The following F2 variants were observed in gnomAD, a reference collection of about 807,000 sequenced individuals.
F2 encodes the protein prothrombin.
Under a neutral mutation model 81.9 loss-of-function variants are expected in F2, and 34 were observed. The ratio of observed to expected loss-of-function variants is 0.42; its 90% CI spans 0.32 to 0.55. The LOEUF (loss-of-function observed/expected upper bound fraction) is 0.55. F2 is among the 20% of genes least tolerant of loss of function. The pLI is 0.18. For synonymous variants in F2, 296 were observed against 326.4 expected (o/e 0.91, Z 1.01); for missense variants, 630 against 833.4 (o/e 0.76, Z 3.00).
Position 46,739,485 on chromosome 11 carries a change from C to A in F2, c.*77C>A. 1 of 1,588,330 alleles carries A rather than the reference C, an allele frequency of 6.3e-7. No individual in the cohort carries two copies. Among genetic ancestry groups the A allele is most frequent in the South Asian group, 1.1e-5 (1 of 89,986 alleles). On this transcript the variant is annotated 3_prime_UTR_variant, in exon 14 of 14. Coordinates refer to ENST00000311907, the MANE Select transcript of F2 (RefSeq NM_000506.5). Reference sequence around the variant, plus strand: ...TTTGTGTTTCTAAAACTATGGTTCCCAATAAAAGTGACTCTCAGCGAGCCT... The same window carrying A: ...TTTGTGTTTCTAAAACTATGGTTCCAAATAAAAGTGACTCTCAGCGAGCCT...
At chr11:46,736,566 G>A (rs1417266413) in intron 12 of F2, among the ~76,000 whole-genome samples, 3 of 152,174 alleles carry the variant, frequency 2.0e-5, no homozygotes, top group Non-Finnish European at 4.4e-5. Context: ...CCAAAGTGTT[G>A]GGATTACCAG....
chr11:46,737,529 C>T (rs915890143), intron 12 of F2, among the ~76,000 whole-genome samples: 1 of 149,562 alleles, frequency 6.7e-6, no homozygotes, highest in Non-Finnish European at 1.5e-5. Flanking sequence ...AAAGCTCCAC[C>T]TCCCGGGTTC....
intron 12 of F2, among the ~76,000 whole-genome samples, chr11:46,735,910 A>G (rs2064941507): frequency 6.8e-6 from 1 of 146,760 alleles, no homozygotes; most frequent in Non-Finnish European, 1.5e-5. Context: ...CAACAAGAGT[A>G]AAAACTCCGT....
chr11:46,727,517 C>G (rs940925127), intron 9 of F2, among the ~76,000 whole-genome samples: 3 of 152,046 alleles, frequency 2.0e-5, no homozygotes, highest in East Asian at 3.9e-4. Flanking sequence ...GTGGCTCACC[C>G]CTGTAATCCC....
chr11:46,721,242 C>A (rs2064834426), intron 4 of F2, among the ~76,000 whole-genome samples: 1 of 152,134 alleles, frequency 6.6e-6, no homozygotes, highest in South Asian at 2.1e-4. Context: ...CGGGGTTTCA[C>A]CATGTTGGCC....
intron 4 of F2, among the ~76,000 whole-genome samples, chr11:46,721,429 T>G (rs1231727443): frequency 1.3e-5 from 2 of 152,198 alleles, no homozygotes; most frequent in Non-Finnish European, 2.9e-5. Flanking sequence ...CACATTCCCC[T>G]TCTAGCTTTA....
intron 12 of F2, among the ~76,000 whole-genome samples, chr11:46,738,267 G>C (rs748716211): frequency 6.6e-5 from 10 of 152,114 alleles, no homozygotes; most frequent in Non-Finnish European, 1.3e-4. Context: ...CCAAAGTGCT[G>C]AGATTACAGG....
chr11:46,733,276 C>A (rs2064924766), intron 12 of F2, among the ~76,000 whole-genome samples: 1 of 152,278 alleles, frequency 6.6e-6, no homozygotes, highest in Admixed American at 6.5e-5. Flanking sequence ...TGGGCTCAGC[C>A]CACTGCAACC....
chr11:46,737,929 G>A (rs1043371470), intron 12 of F2, among the ~76,000 whole-genome samples: 1 of 151,662 alleles, frequency 6.6e-6, no homozygotes, highest in African/African-American at 2.4e-5. Context: ...GAACTCCTGG[G>A]CTCAAGCAAT....
intron 4 of F2, among the ~76,000 whole-genome samples, chr11:46,721,079 C>T (rs1012470593): frequency 9.9e-5 from 15 of 152,024 alleles, no homozygotes; most frequent in Admixed American, 8.5e-4. Context: ...GAGTCTCGCT[C>T]TGTTGCCCAG....
At chr11:46,721,903 C>T (rs925432671) in intron 4 of F2, among the ~76,000 whole-genome samples, 2 of 150,638 alleles carry the variant, frequency 1.3e-5, no homozygotes, top group South Asian at 2.1e-4. Context: ...AGTGCAGCAG[C>T]GCGATCTCGG....
Position 46,719,247 on chromosome 11 carries a change from C to A in F2, c.12C>A (p.Val4=). 6.2e-7 allele frequency: 1 copy of A among 1,613,864 alleles called. No individual in the cohort carries two copies. The highest frequency in any genetic ancestry group is 8.5e-7 in the Non-Finnish European group (1 of 1,180,030). The part of the protein sequence containing the change: MAH[V]RGLQLPGCLA... ...GGAGCTGACACACTATGGCGCACGT[C>A]CGAGGCTTGCAGCTGCCTGGCTGCC... is the stretch of plus-strand genomic sequence containing the variant. Residue 4 remains valine (V), a synonymous_variant, in exon 1 of 14, where the codon GTC becomes GTA. Coordinates refer to ENST00000311907, the MANE Select transcript of F2 (RefSeq NM_000506.5). This position sits in a 1 kb window ranked among gnomAD's most constrained non-coding sequence, Gnocchi z 4.7.
Position 46,726,687 on chromosome 11 carries a change from C to T in F2, c.1004-24C>T. The T allele has an allele frequency of 6.2e-7, 1 of 1,613,798 alleles. No homozygotes were observed. The highest frequency in any genetic ancestry group is 8.5e-7 in the Non-Finnish European group (1 of 1,179,602). On this transcript the variant is annotated intron_variant, in intron 8 of 13. Coordinates refer to ENST00000311907, the MANE Select transcript of F2 (RefSeq NM_000506.5). This position sits in a 1 kb window ranked among gnomAD's most constrained non-coding sequence, Gnocchi z 5.9. ...CGGGGCTGGTGGCCAGGACTTGCCC[C>T]TCACTGCTTGGCTTGCTCTGCAGAC...
chr11:46,729,149 G>A (rs1163220353), intron 11 of F2, among the ~76,000 whole-genome samples: 1 of 151,980 alleles, frequency 6.6e-6, no homozygotes, highest in Non-Finnish European at 1.5e-5. Flanking sequence ...GCTAATTTTT[G>A]TATTTTTAGT....
rs1002312542 is a variant in F2 at position 46,726,622 on chromosome 11, G to A, written c.999G>A (p.Glu333=). The stretch of plus-strand genomic sequence containing the variant: ...ATCCGAGGACCTTTGGCTCGGGAGA[G>A]GCAGGTGAGGTAGTGGGCATCCGAG... ...FFNPRTFGSG[E]ADCGLRPLFE... Residue 333 remains glutamate (E), a synonymous_variant, in exon 8 of 14, where the codon GAG becomes GAA. Transcript: ENST00000311907. This position sits in a 1 kb window ranked among gnomAD's most constrained non-coding sequence, Gnocchi z 5.9. 3.1e-6 allele frequency: 5 copies of A among 1,614,008 alleles called. No individual in the cohort carries two copies. The African/African-American group carries it at 4.0e-5, about 13-fold the overall frequency.
intron 12 of F2, among the ~76,000 whole-genome samples, chr11:46,731,139 A>T (rs574506755): frequency 6.6e-6 from 1 of 151,042 alleles, no homozygotes; most frequent in Non-Finnish European, 1.5e-5. Context: ...CTGGTCTTGA[A>T]CTCCTGACCT....
Position 46,734,164 on chromosome 11 carries a change from C to G in F2, c.1654+4603C>G, listed in dbSNP as rs1421611663. Among the ~76,000 whole-genome samples, 3 of 151,852 alleles carry G rather than the reference C, an allele frequency of 2.0e-5. No homozygotes were observed. The East Asian group carries it at 5.8e-4, about 29-fold the overall frequency. On this transcript the variant is annotated intron_variant, in intron 12 of 13. Transcript: ENST00000311907. ...CCAGGCTGGAGTGCAATGGTGCAAT[C>G]TTGGCTCACTGCAGCCTCCACTTCC... is the stretch of plus-strand genomic sequence containing the variant.
chr11:46,732,459 G>A (rs1289440340), intron 12 of F2, among the ~76,000 whole-genome samples: 4 of 150,890 alleles, frequency 2.7e-5, no homozygotes, highest in East Asian at 2.0e-4. Context: ...GTGCAATGGC[G>A]TGATCTCGGC....
At position 46,726,962 on chromosome 11, in the gene F2, C is replaced by A; in HGVS notation, c.1130+125C>A. On this transcript the variant is annotated intron_variant, in intron 9 of 13. Coordinates refer to ENST00000311907, the MANE Select transcript of F2 (RefSeq NM_000506.5). This position sits in a 1 kb window ranked among gnomAD's most constrained non-coding sequence, Gnocchi z 5.9. ...GACAACAGCTGAGCATCCAGGATCC[C>A]ACCAACTCCACACAGCAGCCACATG... is the stretch of plus-strand genomic sequence containing the variant. 7.0e-7 allele frequency: 1 copy of A among 1,423,318 alleles called. No individual in the cohort carries two copies. The highest frequency in any genetic ancestry group is 9.7e-7 in the Non-Finnish European group (1 of 1,029,420). 88.2% of individuals were successfully genotyped at this position (1,423,318 alleles called of 1,614,324 possible). A position where few individuals can be genotyped will look rare whatever the true frequency, so the allele number is the denominator to read the frequency against.
Sources: allele counts gnomAD v4.1 joint callset (sites outside exome capture counted in the v4.1 genomes callset), GRCh38; gene constraint gnomAD v4.1.1; non-coding constraint Gnocchi (gnomAD v3.1); transcripts MANE v1.5; gene names NCBI Gene and HGNC (gene_info 2026-07-23, HGNC 2026-07-21).